SLC16A4: variants seen among roughly 807,000 people sequenced by gnomAD.
The protein encoded by SLC16A4 is probable monocarboxylate transporter 5.
In SLC16A4, 39 loss-of-function variants were observed where a neutral mutation model predicts 47.9. The ratio of observed to expected loss-of-function variants is 0.81; its 90% CI spans 0.63 to 1.06. The LOEUF (loss-of-function observed/expected upper bound fraction) is 1.06. Ranked by LOEUF, SLC16A4 falls within the 50% of genes least tolerant of loss-of-function variation. The probability of loss-of-function intolerance (pLI) is 0.00; values close to 1 mark genes in which losing one functional copy is unlikely to be tolerated. For synonymous variants in SLC16A4, 189 were observed against 199.9 expected (o/e 0.95, Z 0.46); for missense variants, 524 against 573.8 (o/e 0.91, Z 0.89).
intron 6 of SLC16A4, among the ~76,000 whole-genome samples, chr1:110,377,613 G>A (rs1003546818): frequency 6.6e-6 from 1 of 152,152 alleles, no homozygotes; most frequent in African/African-American, 2.4e-5. Flanking sequence ...GTTAAAAAAG[G>A]AGATGTTGGG....
chr1:110,375,475 G>A lies in SLC16A4; in HGVS notation c.1319C>T (p.Ser440Phe), dbSNP rs1461634485. The change falls in exon 8 of 9, where the codon TCT becomes TTT. Residue 440 changes from serine to phenylalanine, a missense_variant. Physicochemically the swap from Ser to Phe is radical, Grantham distance 155. Transcript: ENST00000369779. ...ASFFAGMAVL[S>F]GPPIAGWLYD... is the part of the protein sequence containing the mutation. ...GGTGTTACCTGCTATAGGTGGTCCA[G>A]AAAGGACAGCCATCCCAGCAAAGAA... 6.2e-7 allele frequency: 1 copy of A among 1,610,488 alleles called. No individual in the cohort carries two copies. Among genetic ancestry groups the A allele is most frequent in the African/African-American group, 1.3e-5 (1 of 74,950 alleles).
chr1:110,366,283 G>C (rs1277827329), intron 8 of SLC16A4, among the ~76,000 whole-genome samples: 1 of 151,948 alleles, frequency 6.6e-6, no homozygotes, highest in Non-Finnish European at 1.5e-5. Flanking sequence ...TCAGCCTCAT[G>C]AGTTGCTGGG....
chr1:110,378,807 A>C (rs773963158), intron 6 of SLC16A4, 46 bp downstream of exon 6: 35 of 1,533,644 alleles, frequency 2.3e-5, no homozygotes, highest in Non-Finnish European at 2.6e-5. Flanking sequence ...TGTAAAATTA[A>C]GTTGATCTTT....
At position 110,382,973 on chromosome 1, in the gene SLC16A4, C is replaced by T. The variant is rs1238752560; in HGVS notation, c.88-7G>A. The T allele has an allele frequency of 1.3e-6, 2 of 1,594,744 alleles. No homozygotes were observed. Among genetic ancestry groups the T allele is most frequent in the African/African-American group, 1.3e-5 (1 of 74,498 alleles). ...CCATCACAAACACATTCACCTAAATCAAAGCAGACCAGAGTCCAACTCAGG... is the reference window on the plus strand; with the variant it reads ...CCATCACAAACACATTCACCTAAATTAAAGCAGACCAGAGTCCAACTCAGG... On this transcript the variant is annotated splice_polypyrimidine_tract_variant and splice_region_variant and intron_variant, in intron 2 of 8. Coordinates refer to ENST00000369779, the MANE Select transcript of SLC16A4 (RefSeq NM_004696.3).
chr1:110,364,022 C>T, intron 8 of SLC16A4, 129 bp from the exon 9 acceptor site: 1 of 897,948 alleles, frequency 1.1e-6, no homozygotes, highest in Non-Finnish European at 1.6e-6. Flanking sequence ...AGCTTCTTAG[C>T]TGCCCTATTT....
chr1:110,385,133 T>C (rs1231543593), intron 2 of SLC16A4, among the ~76,000 whole-genome samples: 2 of 152,186 alleles, frequency 1.3e-5, no homozygotes, highest in Non-Finnish European at 2.9e-5. Flanking sequence ...GGACAATCAT[T>C]TACTCTCAAG....
rs1270705825 is a variant in SLC16A4, at chr1:110,381,079, T to C, written c.429A>G (p.Arg143=). The part of the protein sequence containing the change: ...AVVTTKYFKK[R]LALSTAIARS... ...GGGCAATAGCTGTAGAAAGAGCCAA[T>C]CGTTTTTTGAAGTATTTGGTAGTTA... The change falls in exon 5 of 9, where the codon CGA becomes CGG. Residue 143 remains arginine (R), a synonymous_variant. Coordinates refer to ENST00000369779, the MANE Select transcript of SLC16A4 (RefSeq NM_004696.3). 4 of 1,613,926 alleles carry C rather than the reference T, an allele frequency of 2.5e-6. No individual in the cohort carries two copies. The highest frequency in any genetic ancestry group is 1.3e-5 in the African/African-American group (1 of 74,892).
At position 110,379,091 on chromosome 1, in the gene SLC16A4, A is replaced by G. The variant is rs1662199068; in HGVS notation, c.792T>C (p.Asn264=). The G allele has an allele frequency of 6.2e-7, 1 of 1,614,202 alleles. No individual in the cohort carries two copies. Among genetic ancestry groups the G allele is most frequent in the South Asian group, 1.1e-5 (1 of 91,078 alleles). ...VSQNQSEEFY[N]GPNRNRLLLK... ...ATAACAGTCTGTTCCTGTTAGGCCCATTGTAGAACTCTTCACTTTGATTTT... is the reference window on the plus strand; with the variant it reads ...ATAACAGTCTGTTCCTGTTAGGCCCGTTGTAGAACTCTTCACTTTGATTTT... The change falls in exon 6 of 9, where the codon AAT becomes AAC. Residue 264 remains asparagine, a synonymous_variant. Coordinates refer to ENST00000369779, the MANE Select transcript of SLC16A4 (RefSeq NM_004696.3).
intron 8 of SLC16A4, among the ~76,000 whole-genome samples, chr1:110,367,542 A>G (rs1661457633): frequency 6.6e-6 from 1 of 151,894 alleles, no homozygotes; most frequent in Non-Finnish European, 1.5e-5. Context: ...AAAGTTAAAG[A>G]AAAAAAAGCC....
At chr1:110,378,803 A>C in intron 6 of SLC16A4, 50 bp downstream of exon 6, 2 of 1,530,752 alleles carry the variant, frequency 1.3e-6, no homozygotes, top group Non-Finnish European at 1.7e-6. Context: ...AGCTTGTAAA[A>C]TTAAGTTGAT....
At position 110,379,365 on chromosome 1, in the gene SLC16A4, G is replaced by A; in HGVS notation, c.527-9C>T. 6.3e-7 allele frequency: 1 copy of A among 1,583,268 alleles called. No homozygotes were observed. The highest frequency in any genetic ancestry group is 1.4e-5 in the African/African-American group (1 of 74,000). On this transcript the variant is annotated splice_polypyrimidine_tract_variant and intron_variant, in intron 5 of 8. Transcript: ENST00000369779. Reference sequence around the variant, plus strand: ...AAATAATATAAGGGCTCCTAAATAGGGAGAGATTGAGCAATTAAAAATAGC... The same window carrying A: ...AAATAATATAAGGGCTCCTAAATAGAGAGAGATTGAGCAATTAAAAATAGC...
At chr1:110,378,766 T>C in intron 6 of SLC16A4, 87 bp downstream of exon 6, 1 of 1,491,922 alleles carries the variant, frequency 6.7e-7, no homozygotes, top group South Asian at 1.4e-5. Flanking sequence ...CTTTTGTTTT[T>C]CTTTAGCTTT....
At chr1:110,382,684 T>A (rs1265562574) in intron 3 of SLC16A4, 150 bp downstream of exon 3, 2 of 736,964 alleles carry the variant, frequency 2.7e-6, no homozygotes, top group Non-Finnish European at 4.1e-6. Context: ...GGAAGCTAAA[T>A]ATTGCAATTC....
At chr1:110,382,787 T>C in intron 3 of SLC16A4, 47 bp downstream of exon 3, 1 of 1,471,912 alleles carries the variant, frequency 6.8e-7, no homozygotes, top group South Asian at 1.4e-5. Context: ...GGAATTGCCC[T>C]TTGTGGTTCT....
chr1:110,377,300 G>A (rs926438907), intron 6 of SLC16A4, 139 bp from the exon 7 acceptor site: 1 of 671,716 alleles, frequency 1.5e-6, no homozygotes, highest in Non-Finnish European at 2.5e-6. Context: ...TTGTGTACCA[G>A]TAAGCTCTAT....
intron 5 of SLC16A4, among the ~76,000 whole-genome samples, chr1:110,380,149 T>C (rs959825557): frequency 6.6e-6 from 1 of 151,764 alleles, no homozygotes; most frequent in Non-Finnish European, 1.5e-5. Flanking sequence ...AGATGACAGA[T>C]GCTAATCTTG....
chr1:110,390,621 G>A (rs756500576), intron 1 of SLC16A4, among the ~76,000 whole-genome samples: 17 of 152,108 alleles, frequency 1.1e-4, no homozygotes, highest in Non-Finnish European at 1.9e-4. Flanking sequence ...TCTCCCAATC[G>A]GTTCCGTAAA....
intron 5 of SLC16A4, among the ~76,000 whole-genome samples, chr1:110,380,391 T>G (rs1052389120): frequency 1.3e-5 from 2 of 152,130 alleles, no homozygotes; most frequent in Non-Finnish European, 1.5e-5. Context: ...TTTCCAGTAG[T>G]TTAGGATTAT....
intron 8 of SLC16A4, 63 bp downstream of exon 8, chr1:110,375,395 C>T (rs767478790): frequency 1.1e-6 from 1 of 913,392 alleles, no homozygotes; most frequent in Non-Finnish European, 1.8e-6. Flanking sequence ...TACCATTAAT[C>T]CTGGATCAGT....
Sources: gnomAD v4.1 joint callset for allele counts (sites outside exome capture counted in the v4.1 genomes callset) on GRCh38, gnomAD v4.1.1 for gene constraint, MANE v1.5 for transcripts, NCBI Gene and HGNC (gene_info 2026-07-23, HGNC 2026-07-21) for gene names.